The following CBFB variants were observed in gnomAD, a reference collection of about 807,000 sequenced individuals.
CBFB encodes the protein CBF-beta.
A neutral mutation model predicts 30.4 loss-of-function variants in CBFB; 9 were observed. That is an observed-to-expected ratio of 0.30 (90% CI 0.18 to 0.52). The LOEUF (loss-of-function observed/expected upper bound fraction) is 0.52, where lower values mean the gene tolerates loss of function less well. Ranked by LOEUF, CBFB falls within the 20% of genes least tolerant of loss-of-function variation. The pLI is 0.97. For synonymous variants in CBFB, 94 were observed against 84.0 expected (o/e 1.12, Z -0.65); for missense variants, 170 against 244.0 (o/e 0.70, Z 2.02).
rs763815681 is a variant in CBFB, at chr16:67,044,173, T to A, written c.282+7418T>A. On this transcript the variant is annotated intron_variant, in intron 3 of 5. Coordinates refer to ENST00000412916, the MANE Select transcript of CBFB (RefSeq NM_022845.3). Reference sequence around the variant, plus strand: ...AGATTAATGGTTTTTACATGTATTCTGTGTCTCATAAAGCTTCATTGGGAT... The same window carrying A: ...AGATTAATGGTTTTTACATGTATTCAGTGTCTCATAAAGCTTCATTGGGAT... Among the ~76,000 whole-genome samples the A allele has an allele frequency of 6.6e-5, 10 of 152,340 alleles. No individual in the cohort carries two copies. In the East Asian group the frequency reaches 1.9e-3, roughly 29 times the overall value.
intron 5 of CBFB, among the ~76,000 whole-genome samples, chr16:67,083,823 T>C (rs928235640): frequency 6.6e-5 from 10 of 152,078 alleles, no homozygotes; most frequent in African/African-American, 2.2e-4. Flanking sequence ...ATTATAAAAA[T>C]TAATATTCAA....
chr16:67,041,768 CTTTTTT>C (rs140180530), intron 3 of CBFB, among the ~76,000 whole-genome samples: 1 of 98,898 alleles, frequency 1.0e-5, no homozygotes, highest in Non-Finnish European at 2.1e-5. Flanking sequence ...TGTTTCTTTA[CTTTTTT>C]TTTTTTTTTT....
rs73586882 is a variant in CBFB at position 67,044,136 on chromosome 16, T to A, written c.282+7381T>A. On this transcript the variant is annotated intron_variant, in intron 3 of 5. Coordinates refer to ENST00000412916, the MANE Select transcript of CBFB (RefSeq NM_022845.3). ...ATTATGGTTGACCATAAATTATTAGTCTTGAGTGGTCAGATTAATGGTTTT... is the reference window on the plus strand; with the variant it reads ...ATTATGGTTGACCATAAATTATTAGACTTGAGTGGTCAGATTAATGGTTTT... 4.4e-3 allele frequency among the ~76,000 whole-genome samples: 674 copies of A among 152,334 alleles called. 3 individuals carry two copies. Among genetic ancestry groups the A allele is most frequent in the African/African-American group, 0.016 (648 of 41,566 alleles).
chr16:67,063,421 C>T (rs890483311), intron 3 of CBFB, among the ~76,000 whole-genome samples: 3 of 151,946 alleles, frequency 2.0e-5, no homozygotes, highest in African/African-American at 7.3e-5. Flanking sequence ...CAAATATGTA[C>T]CAGGAAAGCA....
chr16:67,029,689 G>C, intron 1 of CBFB, 38 bp from the exon 2 acceptor site: 2 of 1,546,700 alleles, frequency 1.3e-6, no homozygotes, highest in Non-Finnish European at 1.8e-6. Flanking sequence ...GCGGCGCCGC[G>C]GATTTGGCTC....
At chr16:67,057,541 C>T (rs1195053298) in intron 3 of CBFB, among the ~76,000 whole-genome samples, 1 of 152,074 alleles carries the variant, frequency 6.6e-6, no homozygotes, top group South Asian at 2.1e-4. Flanking sequence ...GCCAGTTTAC[C>T]CTCCCCCTGA....
Position 67,099,369 on chromosome 16 carries a change from A to G in CBFB, c.*591A>G. On this transcript the variant is annotated 3_prime_UTR_variant, in exon 6 of 6. Coordinates refer to ENST00000412916, the MANE Select transcript of CBFB (RefSeq NM_022845.3). ...GCCACAGCCTTCTGACAAAGTTTACAGTTATTAAAGTTGCAGTATCCTTTT... is the reference window on the plus strand; with the variant it reads ...GCCACAGCCTTCTGACAAAGTTTACGGTTATTAAAGTTGCAGTATCCTTTT... 4.5e-6 allele frequency: 1 copy of G among 221,552 alleles called. No individual in the cohort carries two copies. The highest frequency in any genetic ancestry group is 9.0e-6 in the Non-Finnish European group (1 of 110,824). The allele number at this position is 221,552 out of a possible 1,614,324, so 13.7% of individuals were successfully genotyped here.
chr16:67,029,526 C>A, intron 1 of CBFB, 41 bp downstream of exon 1: 1 of 1,542,852 alleles, frequency 6.5e-7, no homozygotes, highest in Non-Finnish European at 8.8e-7. Flanking sequence ...CGCAGCGCGC[C>A]CCGAGTGGGC....
intron 5 of CBFB, among the ~76,000 whole-genome samples, chr16:67,086,343 C>G (rs150073815): frequency 5.1e-4 from 78 of 152,328 alleles, no homozygotes; most frequent in African/African-American, 1.7e-3. Context: ...AAATGTCAGG[C>G]CTTTCCTCAG....
chr16:67,059,981 T>C (rs1035823761), intron 3 of CBFB, among the ~76,000 whole-genome samples: 8 of 151,918 alleles, frequency 5.3e-5, no homozygotes, highest in African/African-American at 1.7e-4. Flanking sequence ...TCTTTCTTTT[T>C]TTTTTTTTGT....
intron 3 of CBFB, among the ~76,000 whole-genome samples, chr16:67,045,963 T>G (rs1166155166): frequency 6.6e-6 from 1 of 151,038 alleles, no homozygotes; most frequent in Admixed American, 6.6e-5. Flanking sequence ...ACCTGGCTAA[T>G]TTTTGTGTTT....
chr16:67,056,271 A>G (rs118060483), intron 3 of CBFB, among the ~76,000 whole-genome samples: 70 of 152,306 alleles, frequency 4.6e-4, no homozygotes, highest in Non-Finnish European at 9.1e-4. Flanking sequence ...ATGTTAGATA[A>G]GTTCCCTTCA....
intron 4 of CBFB, among the ~76,000 whole-genome samples, chr16:67,070,687 C>CA (rs61490536): frequency 0.019 from 2,654 of 137,846 alleles, 50 homozygotes; most frequent in Middle Eastern, 0.062. Context: ...CTGTCTCTAC[C>CA]AAAAAAAAAA....
intron 3 of CBFB, among the ~76,000 whole-genome samples, chr16:67,039,221 T>C (rs1966491583): frequency 6.6e-6 from 1 of 152,222 alleles, no homozygotes; most frequent in Non-Finnish European, 1.5e-5. Flanking sequence ...CTGTACAGCA[T>C]GTTACCGTAC....
At chr16:67,037,560 C>T (rs1434079116) in intron 3 of CBFB, among the ~76,000 whole-genome samples, 4 of 151,328 alleles carry the variant, frequency 2.6e-5, no homozygotes, top group African/African-American at 7.3e-5. Flanking sequence ...ACATGTCTTA[C>T]AGTTTCGATG....
chr16:67,058,385 C>T (rs1960792371), intron 3 of CBFB, among the ~76,000 whole-genome samples: 1 of 152,222 alleles, frequency 6.6e-6, no homozygotes, highest in Admixed American at 6.5e-5. Context: ...AAGTGATCCA[C>T]CCACCTCAGC....
intron 5 of CBFB, among the ~76,000 whole-genome samples, chr16:67,096,425 T>C (rs1962047231): frequency 6.6e-6 from 1 of 151,906 alleles, no homozygotes; most frequent in African/African-American, 2.4e-5. Context: ...AGAAAGCTTA[T>C]AGAATAACCA....
intron 2 of CBFB, among the ~76,000 whole-genome samples, chr16:67,031,976 G>T (rs770166194): frequency 2.0e-5 from 3 of 152,058 alleles, no homozygotes; most frequent in Non-Finnish European, 2.9e-5. Context: ...CAGGCTCGGC[G>T]TCACCATACG....
intron 3 of CBFB, among the ~76,000 whole-genome samples, chr16:67,060,374 A>G (rs1048224087): frequency 6.6e-6 from 1 of 152,174 alleles, no homozygotes; most frequent in Admixed American, 6.5e-5. Flanking sequence ...GGAGTTCTGC[A>G]ACCATCATTA....
Sources: allele counts gnomAD v4.1 joint callset (sites outside exome capture counted in the v4.1 genomes callset), GRCh38; gene constraint gnomAD v4.1.1; transcripts MANE v1.5; gene names NCBI Gene and HGNC (gene_info 2026-07-23, HGNC 2026-07-21).